DIAPH1: variants seen among roughly 807,000 people sequenced by gnomAD.
DIAPH1 encodes diaphanous related formin 1.
Under a neutral mutation model 140.7 loss-of-function variants are expected in DIAPH1, and 46 were observed. The ratio of observed to expected loss-of-function variants is 0.33; its 90% CI spans 0.26 to 0.42. DIAPH1 has a LOEUF of 0.42. DIAPH1 is among the 10% of genes least tolerant of loss of function. DIAPH1 has a pLI of 1.00. For synonymous variants in DIAPH1, 565 were observed against 551.6 expected (o/e 1.02, Z -0.34); for missense variants, 1,310 against 1,558.7 (o/e 0.84, Z 2.69).
intron 18 of DIAPH1, among the ~76,000 whole-genome samples, chr5:141,537,795 G>A (rs2099889281): frequency 6.6e-6 from 1 of 152,130 alleles, no homozygotes; most frequent in Admixed American, 6.5e-5. Context: ...ACTGGGATAG[G>A]TTATATACGT....
At chr5:141,580,512 T>C (rs1387006122) in intron 8 of DIAPH1, among the ~76,000 whole-genome samples, 2 of 151,970 alleles carry the variant, frequency 1.3e-5, no homozygotes, top group East Asian at 1.9e-4. Flanking sequence ...TTAATGGAGA[T>C]ATAGGAGACA....
intron 14 of DIAPH1, 45 bp from the exon 15 acceptor site, chr5:141,575,191 G>A (rs745503383): frequency 2.5e-6 from 4 of 1,599,530 alleles, no homozygotes; most frequent in Non-Finnish European, 3.4e-6. Flanking sequence ...CTCCATCTCA[G>A]TAAGAAGCAC....
rs1244943330 is a variant in DIAPH1 at position 141,575,012 on chromosome 5, T to C, written c.1596A>G (p.Thr532=). ...ALHSEKQQIA[T]EKQDLEAEVS... ...CCTCTGCTTCCAGGTCCTGTTTCTC[T>C]GTGGCAATTTGCTGCTTTTCAGAAT... is the stretch of plus-strand genomic sequence containing the variant. Residue 532 remains threonine (T), a synonymous_variant, in exon 15 of 28, where the codon ACA becomes ACG. Coordinates refer to ENST00000389054, the MANE Select transcript of DIAPH1 (RefSeq NM_005219.5). 6.2e-7 allele frequency: 1 copy of C among 1,614,224 alleles called. No individual in the cohort carries two copies. Among genetic ancestry groups the C allele is most frequent in the East Asian group, 2.2e-5 (1 of 44,882 alleles).
intron 7 of DIAPH1, 104 bp downstream of exon 7, chr5:141,582,208 G>T (rs1232997020): frequency 7.3e-6 from 6 of 827,008 alleles, no homozygotes; most frequent in African/African-American, 1.7e-5. Flanking sequence ...GAGAAAGCTA[G>T]AAGTCCTGAA....
At position 141,515,582 on chromosome 5, in the gene DIAPH1, G is replaced by C. The variant is rs1353471787; in HGVS notation, c.*1269C>G. Reference sequence around the variant, plus strand: ...CACTTCTCTTTTAGAAGAGAGCTGGGGTACAGTGTATGAAGGCACTCCTGG... The same window carrying C: ...CACTTCTCTTTTAGAAGAGAGCTGGCGTACAGTGTATGAAGGCACTCCTGG... On this transcript the variant is annotated 3_prime_UTR_variant, in exon 28 of 28. Transcript: ENST00000389054. 6.6e-6 allele frequency: 1 copy of C among 152,222 alleles called. No homozygotes were observed. The highest frequency in any genetic ancestry group is 1.5e-5 in the Non-Finnish European group (1 of 68,052). 9.4% of individuals were successfully genotyped at this position (152,222 alleles called of 1,614,324 possible).
Position 141,575,643 on chromosome 5 carries a change from C to T in DIAPH1, c.1462-497G>A, listed in dbSNP as rs560505612. ...CAGCCTGGATGACAGAGTGAGACTC[C>T]GTCTCAAAAAAAAAACAAATAAAAA... On this transcript the variant is annotated intron_variant, in intron 14 of 27. Transcript: ENST00000389054. Among the ~76,000 whole-genome samples the T allele has an allele frequency of 3.3e-5, 5 of 149,694 alleles. No homozygotes were observed. In the South Asian group the frequency reaches 6.3e-4, roughly 19 times the overall value.
intron 18 of DIAPH1, among the ~76,000 whole-genome samples, chr5:141,570,552 T>C (rs2154596164): frequency 6.6e-6 from 1 of 152,216 alleles, no homozygotes; most frequent in East Asian, 1.9e-4. Context: ...CACAATCTGT[T>C]AGACTCCTTA....
intron 14 of DIAPH1, 82 bp from the exon 15 acceptor site, chr5:141,575,228 ACCT>A (rs1338457074): frequency 1.4e-6 from 2 of 1,453,388 alleles, no homozygotes; most frequent in Non-Finnish European, 1.9e-6. Flanking sequence ...AATTCTCCCT[ACCT>A]CCTCTTTTGC....
At chr5:141,525,345 T>C (rs1164143620) in intron 26 of DIAPH1, among the ~76,000 whole-genome samples, 2 of 151,832 alleles carry the variant, frequency 1.3e-5, no homozygotes, top group Non-Finnish European at 2.9e-5. Context: ...CTCAGTGCTG[T>C]GTGAGCAGTG....
intron 18 of DIAPH1, among the ~76,000 whole-genome samples, chr5:141,562,569 T>G (rs1211180893): frequency 2.6e-5 from 4 of 151,498 alleles, no homozygotes. Flanking sequence ...AATGAGACTT[T>G]TTTATACTGT....
intron 18 of DIAPH1, among the ~76,000 whole-genome samples, chr5:141,553,179 C>T (rs951035417): frequency 1.3e-5 from 2 of 152,182 alleles, no homozygotes; most frequent in African/African-American, 4.8e-5. Context: ...GTAACCCCAG[C>T]TACCTGGGAA....
At chr5:141,552,690 T>C (rs1005042703) in intron 18 of DIAPH1, among the ~76,000 whole-genome samples, 4 of 152,056 alleles carry the variant, frequency 2.6e-5, no homozygotes, top group African/African-American at 7.2e-5. Flanking sequence ...ACTAATACAC[T>C]CAATATATAT....
intron 18 of DIAPH1, among the ~76,000 whole-genome samples, chr5:141,561,601 C>A (rs1172214608): frequency 6.6e-6 from 1 of 152,024 alleles, no homozygotes; most frequent in Admixed American, 6.6e-5. Flanking sequence ...ACAATATAAC[C>A]ACATTATAGA....
At chr5:141,607,993 T>A (rs1166097638) in intron 1 of DIAPH1, among the ~76,000 whole-genome samples, 1 of 152,242 alleles carries the variant, frequency 6.6e-6, no homozygotes, top group Non-Finnish European at 1.5e-5. Context: ...AATAACTTGC[T>A]TAGAGTTCAC....
intron 1 of DIAPH1, among the ~76,000 whole-genome samples, chr5:141,617,962 G>C (rs1326065026): frequency 6.6e-6 from 1 of 152,150 alleles, no homozygotes; most frequent in African/African-American, 2.4e-5. Context: ...GGTTATCATG[G>C]GAAATGTATA....
intron 27 of DIAPH1, 64 bp from the exon 28 acceptor site, chr5:141,517,072 A>G: frequency 6.3e-7 from 1 of 1,590,290 alleles, no homozygotes; most frequent in Non-Finnish European, 8.6e-7. Flanking sequence ...TTCAAACTCT[A>G]CAGCAGATAA....
intron 27 of DIAPH1, among the ~76,000 whole-genome samples, chr5:141,518,233 A>G (rs2099885984): frequency 6.6e-6 from 1 of 152,008 alleles, no homozygotes; most frequent in African/African-American, 2.4e-5. Flanking sequence ...TGGTTATACA[A>G]TCTTGTGGAT....
chr5:141,588,598 A>G (rs2099897904), intron 1 of DIAPH1, among the ~76,000 whole-genome samples: 1 of 152,200 alleles, frequency 6.6e-6, no homozygotes, highest in Admixed American at 6.5e-5. Context: ...CCACAGTGAG[A>G]TATCAATTCA....
rs200004048 is a variant in DIAPH1 at position 141,576,788 on chromosome 5, C to T, written c.1364G>A (p.Arg455Gln). 3.5e-5 allele frequency: 57 copies of T among 1,613,528 alleles called. No individual in the cohort carries two copies. Among genetic ancestry groups the T allele is most frequent in the Middle Eastern group, 1.6e-4 (1 of 6,084 alleles). Residue 455 changes from arginine (R) to glutamine (Q), a missense_variant, in exon 13 of 28, where the codon CGG becomes CAG. This residue lies in a region of DIAPH1 where 589 missense variants were observed against 549.3 expected (regional missense o/e 1.07). Transcript: ENST00000389054. Reference protein sequence around the residue: ...KNGADPDFKCRHLQIEIEGLI... With the variant: ...KNGADPDFKCQHLQIEIEGLI... ...TCCCTCAATCTCAATCTGGAGGTGC[C>T]GGCACTTGAAGTCAGGATCAGCCCC... is the stretch of plus-strand genomic sequence containing the variant.
Sources: gnomAD v4.1 joint callset for allele counts (sites outside exome capture counted in the v4.1 genomes callset) on GRCh38, gnomAD v4.1.1 for gene constraint, gnomAD v4.1.1 regional missense constraint, MANE v1.5 for transcripts, NCBI Gene and HGNC (gene_info 2026-07-23, HGNC 2026-07-21) for gene names.